The following GPC5 variants were observed in gnomAD, a reference collection of about 807,000 sequenced individuals.
GPC5 encodes the protein glypican 5, also known as glypican-5.
Under a neutral mutation model 53.9 loss-of-function variants are expected in GPC5, and 47 were observed. That is an observed-to-expected ratio of 0.87 (90% CI 0.69 to 1.11). The LOEUF is 1.11. GPC5 is among the 50% of genes most tolerant of loss of function. The pLI is 0.00. For synonymous variants in GPC5, 286 were observed against 263.3 expected (o/e 1.09, Z -0.84); for missense variants, 748 against 713.1 (o/e 1.05, Z -0.56).
chr13:92,389,732 A>G (rs778752694), intron 7 of GPC5, among the ~76,000 whole-genome samples: 8 of 152,150 alleles, frequency 5.3e-5, no homozygotes, highest in South Asian at 4.1e-4. Flanking sequence ...GGAACCACTA[A>G]ATATAAAGAC....
At chr13:91,823,964 T>G (rs2038535848) in intron 5 of GPC5, among the ~76,000 whole-genome samples, 1 of 152,132 alleles carries the variant, frequency 6.6e-6, no homozygotes, top group Non-Finnish European at 1.5e-5. Flanking sequence ...GTTGGTGTTG[T>G]GCATTTGGCA....
chr13:92,704,990 C>T (rs868046128), intron 7 of GPC5, among the ~76,000 whole-genome samples: 3 of 151,420 alleles, frequency 2.0e-5, no homozygotes, highest in South Asian at 2.1e-4. Flanking sequence ...TTAATGATCT[C>T]GATGTGTAGG....
rs71120074 is a variant in GPC5 at position 92,159,593 on chromosome 13, C to CTTTT, written c.1561+14628_1561+14631dup. ...CTATGTAATCACTAATACCAATGTTCTTTTTTTTTTTTTTTTTTTTTTTTT... is the reference window on the plus strand; with the variant it reads ...CTATGTAATCACTAATACCAATGTTCTTTTTTTTTTTTTTTTTTTTTTTTTTTTT... On this transcript the variant is annotated intron_variant, in intron 7 of 7. Coordinates refer to ENST00000377067, the MANE Select transcript of GPC5 (RefSeq NM_004466.6). 6.2e-3 allele frequency among the ~76,000 whole-genome samples: 355 copies of CTTTT among 57,210 alleles called. 73 individuals carry two copies. Among genetic ancestry groups the CTTTT allele is most frequent in the Middle Eastern group, 0.067 (2 of 30 alleles). 37.5% of individuals were successfully genotyped at this position (57,210 alleles called of 152,430 possible).
intron 2 of GPC5, among the ~76,000 whole-genome samples, chr13:91,586,459 A>C (rs2032570274): frequency 7.8e-6 from 1 of 128,598 alleles, no homozygotes; most frequent in Non-Finnish European, 1.7e-5. Flanking sequence ...CAGGAAACTT[A>C]CAATCATGGC....
intron 7 of GPC5, among the ~76,000 whole-genome samples, chr13:92,506,327 T>G (rs1212901020): frequency 6.6e-6 from 1 of 152,102 alleles, no homozygotes; most frequent in Non-Finnish European, 1.5e-5. Context: ...TTACACTGTT[T>G]ATATTTCAGA....
chr13:92,295,105 C>T (rs1484157552), intron 7 of GPC5, among the ~76,000 whole-genome samples: 1 of 152,080 alleles, frequency 6.6e-6, no homozygotes, highest in East Asian at 1.9e-4. Flanking sequence ...GCTGACATTA[C>T]AGGTGTGAGC....
chr13:91,619,250 A>G (rs2139354213), intron 2 of GPC5, among the ~76,000 whole-genome samples: 1 of 152,184 alleles, frequency 6.6e-6, no homozygotes, highest in South Asian at 2.1e-4. Context: ...TACTATGTCA[A>G]CTACATTTTT....
intron 7 of GPC5, among the ~76,000 whole-genome samples, chr13:92,667,213 G>T (rs1236509632): frequency 6.6e-6 from 1 of 152,122 alleles, no homozygotes. Context: ...TGTGTGTACG[G>T]AAATGTACTA....
chr13:92,041,838 C>G (rs989182247), intron 6 of GPC5, among the ~76,000 whole-genome samples: 4 of 152,164 alleles, frequency 2.6e-5, no homozygotes, highest in African/African-American at 4.8e-5. Flanking sequence ...CTGAAGGAGT[C>G]TTGTACAAAA....
At chr13:92,768,035 G>A (rs1875471465) in intron 7 of GPC5, among the ~76,000 whole-genome samples, 1 of 152,138 alleles carries the variant, frequency 6.6e-6, no homozygotes, top group Non-Finnish European at 1.5e-5. Flanking sequence ...CCTAAGTCAG[G>A]TATTTCCCTA....
intron 6 of GPC5, among the ~76,000 whole-genome samples, chr13:92,125,217 A>G (rs1325261926): frequency 6.6e-6 from 1 of 152,198 alleles, no homozygotes; most frequent in Non-Finnish European, 1.5e-5. Flanking sequence ...GGAAATAAAT[A>G]ATTCCCTGTC....
At chr13:91,830,198 T>C (rs145833000) in intron 5 of GPC5, among the ~76,000 whole-genome samples, 6,735 of 152,126 alleles carry the variant, frequency 0.044, 174 homozygotes, top group Middle Eastern at 0.068. Flanking sequence ...CAGGGATGTT[T>C]CTTGCTGAGA....
At chr13:92,127,724 G>C (rs143080960) in intron 6 of GPC5, among the ~76,000 whole-genome samples, 1 of 152,302 alleles carries the variant, frequency 6.6e-6, no homozygotes, top group African/African-American at 2.4e-5. Flanking sequence ...CTCTATGAGG[G>C]ATGTTTAACA....
intron 6 of GPC5, among the ~76,000 whole-genome samples, chr13:92,102,206 G>C (rs1189490344): frequency 2.0e-5 from 3 of 152,082 alleles, no homozygotes; most frequent in Non-Finnish European, 4.4e-5. Context: ...AAGAGGGGTG[G>C]GGAATAAAGT....
chr13:91,586,692 G>A (rs1476652452), intron 2 of GPC5, among the ~76,000 whole-genome samples: 1 of 147,630 alleles, frequency 6.8e-6, no homozygotes, highest in Non-Finnish European at 1.5e-5. Flanking sequence ...TCACCCCCCA[G>A]CAGGTCCCTT....
chr13:92,349,893 C>T (rs2043461298), intron 7 of GPC5, among the ~76,000 whole-genome samples: 1 of 152,068 alleles, frequency 6.6e-6, no homozygotes, highest in South Asian at 2.1e-4. Flanking sequence ...ATCAAGTCAC[C>T]ATTACCCTGA....
intron 7 of GPC5, among the ~76,000 whole-genome samples, chr13:92,296,921 T>TG (rs1166916457): frequency 2.0e-5 from 3 of 152,322 alleles, no homozygotes; most frequent in Non-Finnish European, 4.4e-5. Flanking sequence ...GCTCGGGACC[T>TG]GCAGCCCGCC....
At chr13:91,554,526 T>C (rs532416243) in intron 2 of GPC5, among the ~76,000 whole-genome samples, 1 of 152,084 alleles carries the variant, frequency 6.6e-6, no homozygotes, top group South Asian at 2.1e-4. Context: ...AATTAAAGAT[T>C]GAAAGTTTAC....
intron 6 of GPC5, among the ~76,000 whole-genome samples, chr13:92,104,055 G>C (rs542255189): frequency 4.6e-4 from 70 of 152,232 alleles, no homozygotes; most frequent in African/African-American, 1.7e-3. Flanking sequence ...GGGGAAAAAG[G>C]CTATTTGCAT....
Sources: gnomAD v4.1 joint callset for allele counts (sites outside exome capture counted in the v4.1 genomes callset) on GRCh38, gnomAD v4.1.1 for gene constraint, MANE v1.5 for transcripts, NCBI Gene and HGNC (gene_info 2026-07-23, HGNC 2026-07-21) for gene names.